The following MCTP1 variants were observed in gnomAD, a reference collection of about 807,000 sequenced individuals.
MCTP1 encodes multiple C2 and transmembrane domain containing 1.
In MCTP1, 69 loss-of-function variants were observed where a neutral mutation model predicts 120.6. That is an observed-to-expected ratio of 0.57 (90% confidence interval 0.47 to 0.70). The LOEUF is 0.70. Among genes scored for constraint, MCTP1 ranks in the 30% least tolerant of loss-of-function variants. MCTP1 has a pLI of 0.00. For synonymous variants in MCTP1, 529 were observed against 493.1 expected (o/e 1.07, Z -0.96); for missense variants, 1,203 against 1,248.8 (o/e 0.96, Z 0.55).
At chr5:95,269,996 A>G (rs1394243482) in intron 1 of MCTP1, among the ~76,000 whole-genome samples, 1 of 152,232 alleles carries the variant, frequency 6.6e-6, no homozygotes, top group Non-Finnish European at 1.5e-5. Flanking sequence ...GGGGACAAGA[A>G]AGCAGAATGA....
chr5:95,047,337 A>T (rs1011742168), intron 1 of MCTP1, among the ~76,000 whole-genome samples: 5 of 152,130 alleles, frequency 3.3e-5, no homozygotes, highest in Admixed American at 6.5e-5. Context: ...GCACCATGGC[A>T]CAGACTCATG....
chr5:94,828,885 C>T (rs1446283391), intron 17 of MCTP1, among the ~76,000 whole-genome samples: 3 of 152,152 alleles, frequency 2.0e-5, no homozygotes, highest in East Asian at 1.9e-4. Context: ...TACTGGTCTC[C>T]GTGGGATCCA....
intron 1 of MCTP1, among the ~76,000 whole-genome samples, chr5:95,150,933 T>C (rs1760839021): frequency 6.6e-6 from 1 of 152,080 alleles, no homozygotes; most frequent in Non-Finnish European, 1.5e-5. Flanking sequence ...TGTTGTAATG[T>C]ATACTGTAAT....
At position 94,707,319 on chromosome 5, in the gene MCTP1, A is replaced by G; in HGVS notation, c.*177T>C. On this transcript the variant is annotated 3_prime_UTR_variant, in exon 23 of 23. Transcript: ENST00000515393. ...AAAACCTTTATCAAGTTGAGTCTGT[A>G]CAATAGAAGTATATATTCAAAGACA... The G allele has an allele frequency of 1.8e-6, 1 of 560,446 alleles. No homozygotes were observed. The highest frequency in any genetic ancestry group is 3.2e-5 in the Admixed American group (1 of 31,158). The allele number at this position is 560,446 out of a possible 1,614,324, so 34.7% of individuals were successfully genotyped here.
At chr5:95,101,295 G>A (rs1756712440) in intron 1 of MCTP1, among the ~76,000 whole-genome samples, 1 of 152,034 alleles carries the variant, frequency 6.6e-6, no homozygotes. Flanking sequence ...CTCAAAATTT[G>A]TACATCCTGA....
chr5:95,284,201 G>C lies in MCTP1; in HGVS notation c.375C>G (p.Ile125Met). The C allele has an allele frequency of 6.4e-7, 1 of 1,556,862 alleles. No individual in the cohort carries two copies. The highest frequency in any genetic ancestry group is 8.7e-7 in the Non-Finnish European group (1 of 1,154,366). ...AEQGSTLRRR[I>M]REHLLPAVKG... is the part of the protein sequence containing the mutation. ...TTACGGCGGGGAGCAAATGCTCGCG[G>C]ATCCGGCGGCGTAGCGTGGACCCCT... The change falls in exon 1 of 23, where the codon ATC becomes ATG. Residue 125 changes from isoleucine to methionine, a missense_variant. This residue lies in a region of MCTP1 where 463 missense variants were observed against 377.8 expected (regional missense o/e 1.23). Coordinates refer to ENST00000515393, the MANE Select transcript of MCTP1 (RefSeq NM_024717.7). This position sits in a 1 kb window ranked among gnomAD's most constrained non-coding sequence, Gnocchi z 5.2.
intron 2 of MCTP1, 50 bp from the exon 3 acceptor site, chr5:94,953,411 C>G: frequency 7.1e-7 from 1 of 1,412,214 alleles, no homozygotes; most frequent in Non-Finnish European, 9.5e-7. Context: ...GGTTTGGAAG[C>G]AAGAGAACCA....
chr5:95,024,059 C>T, intron 1 of MCTP1: 1 of 446,478 alleles, frequency 2.2e-6, no homozygotes. Context: ...TGGTCTTTTC[C>T]CTGTTAATTG....
At position 94,916,807 on chromosome 5, in the gene MCTP1, G is replaced by A. The variant is rs145755786; in HGVS notation, c.1350+1089C>T. 1.9e-3 allele frequency among the ~76,000 whole-genome samples: 283 copies of A among 152,336 alleles called. 1 individual carries two copies. The highest frequency in any genetic ancestry group is 2.9e-3 in the Non-Finnish European group (199 of 68,030). On this transcript the variant is annotated intron_variant, in intron 8 of 22. Transcript: ENST00000515393. Reference sequence around the variant, plus strand: ...CTAGACTAACAGCATCAGAAACTCTGGGAGTGGAGCCAGGCATTCTGGTTT... The same window carrying A: ...CTAGACTAACAGCATCAGAAACTCTAGGAGTGGAGCCAGGCATTCTGGTTT...
At position 95,124,845 on chromosome 5, in the gene MCTP1, T is replaced by G. The variant is rs192078359; in HGVS notation, c.721-107361A>C. On this transcript the variant is annotated intron_variant, in intron 1 of 22. Transcript: ENST00000515393. Reference sequence around the variant, plus strand: ...TATTTATCTCAATATTTTCCTTCTCTTCTTATATTACCTGAGGACTTTCAT... The same window carrying G: ...TATTTATCTCAATATTTTCCTTCTCGTCTTATATTACCTGAGGACTTTCAT... Among the ~76,000 whole-genome samples, 308 of 152,350 alleles carry G rather than the reference T, an allele frequency of 2.0e-3. 2 individuals carry two copies. Among genetic ancestry groups the G allele is most frequent in the African/African-American group, 7.0e-3 (293 of 41,582 alleles).
At chr5:94,747,112 T>C (rs570281254) in intron 19 of MCTP1, among the ~76,000 whole-genome samples, 1 of 152,342 alleles carries the variant, frequency 6.6e-6, no homozygotes, top group South Asian at 2.1e-4. Context: ...GTACTGGATT[T>C]TGTTATTTCA....
At chr5:94,970,803 C>A (rs562903103) in intron 2 of MCTP1, among the ~76,000 whole-genome samples, 6 of 151,364 alleles carry the variant, frequency 4.0e-5, no homozygotes, top group African/African-American at 1.5e-4. Flanking sequence ...TTTAAAAAAT[C>A]AGAATATTTT....
intron 1 of MCTP1, among the ~76,000 whole-genome samples, chr5:95,044,431 C>T (rs187609702): frequency 6.6e-6 from 1 of 152,294 alleles, no homozygotes; most frequent in East Asian, 1.9e-4. Flanking sequence ...ATGTGATCTT[C>T]AGTCCTTTTG....
intron 1 of MCTP1, chr5:95,068,812 A>G (rs1751352997): frequency 7.8e-7 from 1 of 1,279,716 alleles, no homozygotes. Context: ...TGTCCTTTCC[A>G]ATCTTACCAT....
intron 2 of MCTP1, among the ~76,000 whole-genome samples, chr5:94,997,646 T>G (rs1315012073): frequency 6.6e-6 from 1 of 152,202 alleles, no homozygotes; most frequent in Non-Finnish European, 1.5e-5. Flanking sequence ...CTGTACTACC[T>G]ATCAACATCC....
intron 19 of MCTP1, among the ~76,000 whole-genome samples, chr5:94,716,060 G>A (rs1759135326): frequency 6.6e-6 from 1 of 152,200 alleles, no homozygotes; most frequent in African/African-American, 2.4e-5. Flanking sequence ...CTCAGAAACT[G>A]CGGGCAAGTG....
At chr5:95,213,357 T>C (rs34707766) in intron 1 of MCTP1, among the ~76,000 whole-genome samples, 28,418 of 151,858 alleles carry the variant, frequency 0.19, 2,714 homozygotes, top group Non-Finnish European at 0.21. Flanking sequence ...CTCAATGAAA[T>C]AGAAGAGGAT....
chr5:95,096,069 G>A (rs959802867), intron 1 of MCTP1, among the ~76,000 whole-genome samples: 2 of 152,166 alleles, frequency 1.3e-5, no homozygotes, highest in Admixed American at 6.5e-5. Context: ...TGATACTAAT[G>A]ACATAAGTGA....
At chr5:95,025,975 T>C (rs1454929307) in intron 1 of MCTP1, among the ~76,000 whole-genome samples, 1 of 152,130 alleles carries the variant, frequency 6.6e-6, no homozygotes, top group East Asian at 1.9e-4. Context: ...GACTTTAGGC[T>C]CTGCTGCTTG....
Sources: allele counts gnomAD v4.1 joint callset (sites outside exome capture counted in the v4.1 genomes callset), GRCh38; gene constraint gnomAD v4.1.1; regional missense constraint gnomAD v4.1.1; non-coding constraint Gnocchi (gnomAD v3.1); transcripts MANE v1.5; gene names NCBI Gene and HGNC (gene_info 2026-07-23, HGNC 2026-07-21).